SRGAP3: variants seen among roughly 807,000 people sequenced by gnomAD.
SRGAP3 encodes the protein SLIT-ROBO Rho GTPase-activating protein 3.
Under a neutral mutation model 121.1 loss-of-function variants are expected in SRGAP3, and 39 were observed. That is an observed-to-expected ratio of 0.32 (90% CI 0.25 to 0.42). The LOEUF (loss-of-function observed/expected upper bound fraction) is 0.42. Ranked by LOEUF, SRGAP3 falls within the 10% of genes least tolerant of loss-of-function variation. SRGAP3 has a pLI of 1.00. For missense variants in SRGAP3, 1,213 were observed against 1,470.6 expected (o/e 0.82, Z 2.86); for synonymous variants, 601 against 570.0 (o/e 1.05, Z -0.77).
At chr3:9,136,596 C>A (rs1455751564) in intron 1 of SRGAP3, among the ~76,000 whole-genome samples, 2 of 152,234 alleles carry the variant, frequency 1.3e-5, no homozygotes, top group Non-Finnish European at 2.9e-5. Context: ...TAACCTTTAT[C>A]AAGCCAGGCC....
chr3:9,160,133 C>T (rs1950558490), intron 1 of SRGAP3, among the ~76,000 whole-genome samples: 1 of 152,276 alleles, frequency 6.6e-6, no homozygotes, highest in African/African-American at 2.4e-5. Context: ...CAGAGTAATA[C>T]CTACCTCACA....
intron 13 of SRGAP3, 97 bp from the exon 14 acceptor site, chr3:9,025,435 C>T (rs1306049069): frequency 4.7e-6 from 6 of 1,284,872 alleles, no homozygotes; most frequent in Non-Finnish European, 6.7e-6. Context: ...CATTGCTTGT[C>T]TCTTTCTCCC....
chr3:9,045,547 AC>A lies in SRGAP3; in HGVS notation c.1408+1843del, dbSNP rs1945226409. 3.9e-5 allele frequency among the ~76,000 whole-genome samples: 6 copies of A among 151,904 alleles called. No homozygotes were observed. In the South Asian group the frequency reaches 1.2e-3, roughly 32 times the overall value. ...ATGATGATGATGATGATTGATGATGACCGTCATCATCAATCATCATCATTTG... is the reference window on the plus strand; with the variant it reads ...ATGATGATGATGATGATTGATGATGACGTCATCATCAATCATCATCATTTG... On this transcript the variant is annotated intron_variant, in intron 10 of 21. Coordinates refer to ENST00000383836, the MANE Select transcript of SRGAP3 (RefSeq NM_014850.4).
chr3:9,354,906 T>C (rs752287158), intron 1 of SRGAP3, among the ~76,000 whole-genome samples: 13 of 152,314 alleles, frequency 8.5e-5, no homozygotes, highest in Middle Eastern at 3.4e-3. Context: ...CATGTAATGT[T>C]ACCTGTCTCA....
At chr3:9,230,166 T>C (rs1953146238) in intron 1 of SRGAP3, among the ~76,000 whole-genome samples, 1 of 152,202 alleles carries the variant, frequency 6.6e-6, no homozygotes, top group Admixed American at 6.5e-5. Flanking sequence ...TTTACACACA[T>C]TATCTCATCT....
At chr3:9,167,997 T>C in intron 1 of SRGAP3, among the ~76,000 whole-genome samples, 1 of 152,226 alleles carries the variant, frequency 6.6e-6, no homozygotes, top group East Asian at 1.9e-4. Context: ...AAGTGCTTTT[T>C]TCACAGACAT....
chr3:9,158,718 A>T (rs1018951320), intron 1 of SRGAP3, among the ~76,000 whole-genome samples: 4 of 152,074 alleles, frequency 2.6e-5, no homozygotes, highest in Non-Finnish European at 5.9e-5. Flanking sequence ...CAGACAGACT[A>T]ACGCAGTTGT....
intron 1 of SRGAP3, chr3:9,235,497 C>CTTTGTCTTT (rs1559232573): frequency 8.1e-6 from 1 of 124,048 alleles, no homozygotes. Flanking sequence ...TATTTTTTTT[C>CTTTGTCTTT]TTTTTCTTTT....
intron 4 of SRGAP3, among the ~76,000 whole-genome samples, chr3:9,064,925 C>A (rs1946357289): frequency 6.6e-6 from 1 of 152,042 alleles, no homozygotes; most frequent in South Asian, 2.1e-4. Flanking sequence ...TAGCTCCAAG[C>A]ATCTGGGGAC....
chr3:9,312,242 C>T (rs1448053147), intron 3 of SRGAP3, among the ~76,000 whole-genome samples: 1 of 152,142 alleles, frequency 6.6e-6, no homozygotes, highest in African/African-American at 2.4e-5. Flanking sequence ...GCAACCTCTG[C>T]CTCCTGGGTT....
intron 3 of SRGAP3, among the ~76,000 whole-genome samples, chr3:9,094,991 G>A (rs566045662): frequency 6.6e-6 from 1 of 151,890 alleles, no homozygotes; most frequent in Non-Finnish European, 1.5e-5. Context: ...TCAACTCCTG[G>A]CCTCAAGCAA....
chr3:9,141,553 GGTGTGTGTGTGTGTGTGTGTGTGT>G (rs3067669), intron 1 of SRGAP3, among the ~76,000 whole-genome samples: 1 of 138,394 alleles, frequency 7.2e-6, no homozygotes, highest in Non-Finnish European at 1.6e-5. Context: ...TGACTTCAGG[GGTGTGTGTGTGTGTGTGTGTGTGT>G]GTGTGTGTGT....
Position 9,045,298 on chromosome 3 carries a change from A to T in SRGAP3, c.1408+2093T>A, listed in dbSNP as rs141062582. On this transcript the variant is annotated intron_variant, in intron 10 of 21. Coordinates refer to ENST00000383836, the MANE Select transcript of SRGAP3 (RefSeq NM_014850.4). ...CTCCACGGCCAGCTTACTGAAACAC[A>T]GGATTACGGAGACTCTTCCAGTTGG... Among the ~76,000 whole-genome samples, 56 of 152,126 alleles carry T rather than the reference A, an allele frequency of 3.7e-4. No homozygotes were observed. The East Asian group carries it at 0.01, about 27-fold the overall frequency.
intron 1 of SRGAP3, chr3:9,192,630 G>C (rs1951788394): frequency 6.6e-6 from 1 of 152,186 alleles, no homozygotes; most frequent in African/African-American, 2.4e-5. Context: ...TTTTTCCTTG[G>C]ATGATTTTAA....
At position 8,985,559 on chromosome 3, in the gene SRGAP3, ATCT is replaced by A; in HGVS notation, c.3257_3259del (p.Lys1086del). Reference sequence around the variant, plus strand: ...CTTGTCCGCTGAGCTGTTGGGGAACATCTTCTCGGTGGGCGTCACGGCCGGGCT... The same window carrying A: ...CTTGTCCGCTGAGCTGTTGGGGAACATCTCGGTGGGCGTCACGGCCGGGCT... On this transcript the variant is annotated inframe_deletion, in exon 22 of 22. Coordinates refer to ENST00000383836, the MANE Select transcript of SRGAP3 (RefSeq NM_014850.4). The surrounding 1 kb of genome is among the most constrained non-coding windows in gnomAD (Gnocchi z 5.1). 6.3e-7 allele frequency: 1 copy of A among 1,597,654 alleles called. No homozygotes were observed. The highest frequency in any genetic ancestry group is 8.5e-7 in the Non-Finnish European group (1 of 1,179,186).
At chr3:9,336,952 G>A (rs1234729523) in intron 1 of SRGAP3, among the ~76,000 whole-genome samples, 4 of 151,028 alleles carry the variant, frequency 2.6e-5, no homozygotes, top group African/African-American at 4.9e-5. Context: ...GGCTGGTCTC[G>A]AACTCCTGGC....
intron 3 of SRGAP3, among the ~76,000 whole-genome samples, chr3:9,318,922 G>A (rs1160957185): frequency 6.6e-6 from 1 of 151,486 alleles, no homozygotes; most frequent in Non-Finnish European, 1.5e-5. Flanking sequence ...GAAAATCAAA[G>A]CCAGGAAGAT....
chr3:9,156,076 A>T (rs1263916975), intron 1 of SRGAP3, among the ~76,000 whole-genome samples: 1 of 152,146 alleles, frequency 6.6e-6, no homozygotes, highest in Non-Finnish European at 1.5e-5. Flanking sequence ...CGGCCTCCCA[A>T]AGTGCTGGGA....
chr3:9,295,957 T>G (rs972516185), intron 3 of SRGAP3, among the ~76,000 whole-genome samples: 1 of 152,228 alleles, frequency 6.6e-6, no homozygotes, highest in Non-Finnish European at 1.5e-5. Context: ...TCCAACTTGC[T>G]GTATTTATCA....
Sources: gnomAD v4.1 joint callset for allele counts (sites outside exome capture counted in the v4.1 genomes callset) on GRCh38, gnomAD v4.1.1 for gene constraint, Gnocchi (gnomAD v3.1) non-coding constraint, MANE v1.5 for transcripts, NCBI Gene and HGNC (gene_info 2026-07-23, HGNC 2026-07-21) for gene names.